BIK: variants seen among roughly 807,000 people sequenced by gnomAD.
BIK encodes the protein bcl-2-interacting killer.
In BIK, 14 loss-of-function variants were observed where a neutral mutation model predicts 12.1. That is an observed-to-expected ratio of 1.16 (90% confidence interval 0.77 to 1.81). The LOEUF is 1.81. BIK is among the 40% of genes most tolerant of loss of function. The pLI, the probability that BIK is intolerant of heterozygous loss-of-function variation, is 0.00. For missense variants in BIK, 215 were observed against 207.9 expected (o/e 1.03, Z -0.21); for synonymous variants, 86 against 92.3 (o/e 0.93, Z 0.39).
chr22:43,120,467 C>T (rs1434736101), intron 1 of BIK, among the ~76,000 whole-genome samples: 1 of 152,214 alleles, frequency 6.6e-6, no homozygotes, highest in African/African-American at 2.4e-5. Context: ...GGATTACAGG[C>T]GTGAGCCGCA....
intron 2 of BIK, 127 bp downstream of exon 2, chr22:43,124,310 A>T: frequency 8.5e-7 from 1 of 1,173,764 alleles, no homozygotes; most frequent in African/African-American, 1.5e-5. Context: ...CGAGAGGAAG[A>T]TTTCCCGGAT....
chr22:43,112,351 C>G (rs116750388), intron 1 of BIK, among the ~76,000 whole-genome samples: 2,205 of 152,098 alleles, frequency 0.014, 61 homozygotes, highest in African/African-American at 0.051. Context: ...GCGCCTACCA[C>G]GAGGCCCAGC....
chr22:43,128,368 C>G, intron 3 of BIK, 128 bp from the exon 4 acceptor site: 1 of 1,222,544 alleles, frequency 8.2e-7, no homozygotes, highest in Admixed American at 2.0e-5. Context: ...GAAAGGGCCC[C>G]GGGTGGCTGT....
intron 1 of BIK, among the ~76,000 whole-genome samples, chr22:43,115,304 T>C (rs532202336): frequency 6.6e-6 from 1 of 151,734 alleles, no homozygotes; most frequent in South Asian, 2.1e-4. Context: ...AGAGGGAGGA[T>C]GTAAAGGAGG....
At chr22:43,124,768 T>A (rs954681699) in intron 2 of BIK, among the ~76,000 whole-genome samples, 1 of 152,150 alleles carries the variant, frequency 6.6e-6, no homozygotes, top group African/African-American at 2.4e-5. Context: ...GGCACATGTC[T>A]GTAGTCCCAG....
At chr22:43,127,290 A>C (rs1285424514) in intron 2 of BIK, among the ~76,000 whole-genome samples, 1 of 152,032 alleles carries the variant, frequency 6.6e-6, no homozygotes, top group Admixed American at 6.5e-5. Flanking sequence ...CCCTGTGGGA[A>C]GGGGGCTCAA....
At chr22:43,124,949 T>C (rs912736721) in intron 2 of BIK, among the ~76,000 whole-genome samples, 2 of 152,236 alleles carry the variant, frequency 1.3e-5, no homozygotes, top group Non-Finnish European at 1.5e-5. Flanking sequence ...CAACTGAATA[T>C]ACTTATAGTT....
At chr22:43,118,280 G>A (rs909003528) in intron 1 of BIK, among the ~76,000 whole-genome samples, 10 of 152,192 alleles carry the variant, frequency 6.6e-5, no homozygotes, top group African/African-American at 2.2e-4. Flanking sequence ...CCACCGTGGC[G>A]TCCTGAGCTG....
intron 3 of BIK, among the ~76,000 whole-genome samples, chr22:43,128,053 G>A (rs1490510500): frequency 2.0e-4 from 31 of 152,070 alleles, no homozygotes; most frequent in Admixed American, 1.9e-3. Context: ...CTCTCTCGCC[G>A]TCCTCATTGA....
intron 1 of BIK, among the ~76,000 whole-genome samples, chr22:43,113,187 T>C (rs576203862): frequency 1.2e-4 from 18 of 152,120 alleles, no homozygotes; most frequent in African/African-American, 2.4e-4. Context: ...CTGGGCCACA[T>C]AGGGAGACTC....
At chr22:43,129,153 C>T (rs1930384373) in intron 4 of BIK, 60 bp from the exon 5 acceptor site, 21 of 1,599,298 alleles carry the variant, frequency 1.3e-5, no homozygotes, top group Admixed American at 1.7e-5. Flanking sequence ...CCGCTGTCAC[C>T]CGTCTGGCCC....
intron 1 of BIK, among the ~76,000 whole-genome samples, chr22:43,111,346 A>G (rs1601726306): frequency 6.6e-6 from 1 of 152,200 alleles, no homozygotes. Context: ...GGACGCCCAG[A>G]AAGTCCGGAA....
chr22:43,119,848 C>G (rs1055834695), intron 1 of BIK, among the ~76,000 whole-genome samples: 1 of 152,078 alleles, frequency 6.6e-6, no homozygotes, highest in Non-Finnish European at 1.5e-5. Flanking sequence ...GTGGTACATA[C>G]CTGTCGAGTT....
intron 1 of BIK, among the ~76,000 whole-genome samples, chr22:43,115,122 C>T (rs147092859): frequency 2.6e-5 from 4 of 152,328 alleles, no homozygotes; most frequent in Non-Finnish European, 5.9e-5. Flanking sequence ...AAACATTTAA[C>T]GAGACCTTGA....
chr22:43,129,305 A>G lies in BIK; in HGVS notation c.483A>G (p.Ter161TrpextTer28). 1 of 1,598,440 alleles carries G rather than the reference A, an allele frequency of 6.3e-7. No individual in the cohort carries two copies. The highest frequency in any genetic ancestry group is 8.5e-7 in the Non-Finnish European group (1 of 1,178,688). ...LSGGLHLLLK[*>W] ...GGGGCCTGCACCTGCTGCTCAAGTGAGGCCCCGGCGGCTCAGGGCGGGGCT... is the reference window on the plus strand; with the variant it reads ...GGGGCCTGCACCTGCTGCTCAAGTGGGGCCCCGGCGGCTCAGGGCGGGGCT... The change falls in exon 5 of 5, where the codon TGA becomes TGG. Residue 161 changes from the stop codon to tryptophan, a stop_lost. Coordinates refer to ENST00000216115, the MANE Select transcript of BIK (RefSeq NM_001197.5).
rs2147014707 is a variant in BIK at position 43,111,022 on chromosome 22, T to G, written c.-8+219T>G. On this transcript the variant is annotated intron_variant, in intron 1 of 4. Transcript: ENST00000216115. ...GCTCCAGGTCCCCGACGGGCGATCG[T>G]GCCAGGCGCGGCCCCTGCGGGCCTC... Among the ~76,000 whole-genome samples the G allele has an allele frequency of 1.3e-5, 2 of 152,206 alleles. 1 individual carries two copies. The highest frequency in any genetic ancestry group is 4.8e-5 in the African/African-American group (2 of 41,548).
intron 1 of BIK, among the ~76,000 whole-genome samples, chr22:43,121,336 T>C (rs1930215380): frequency 6.6e-6 from 1 of 152,118 alleles, no homozygotes. Flanking sequence ...GTGGGGAGCT[T>C]GAAAGGGTCT....
At chr22:43,126,888 C>T (rs1359574086) in intron 2 of BIK, among the ~76,000 whole-genome samples, 1 of 152,134 alleles carries the variant, frequency 6.6e-6, no homozygotes, top group African/African-American at 2.4e-5. Flanking sequence ...CCCTCCCACC[C>T]GCATCCCCTC....
intron 1 of BIK, 44 bp from the exon 2 acceptor site, chr22:43,123,972 C>T (rs1426503236): frequency 3.1e-6 from 5 of 1,601,950 alleles, no homozygotes; most frequent in Non-Finnish European, 4.3e-6. Flanking sequence ...CCCCAGACTG[C>T]TCAGTTCTTA....
Sources: allele counts gnomAD v4.1 joint callset (sites outside exome capture counted in the v4.1 genomes callset), GRCh38; gene constraint gnomAD v4.1.1; transcripts MANE v1.5; gene names NCBI Gene and HGNC (gene_info 2026-07-23, HGNC 2026-07-21).